Variants in CAPN5 observed in about 807,000 individuals in gnomAD.
CAPN5 encodes calpain 5.
A neutral mutation model predicts 73.0 loss-of-function variants in CAPN5; 54 were observed. That is an observed-to-expected ratio of 0.74 (90% CI 0.59 to 0.93). The LOEUF is 0.93. Among genes scored for constraint, CAPN5 ranks in the 40% least tolerant of loss-of-function variants. The pLI is 0.00. For missense variants in CAPN5, 785 were observed against 882.9 expected (o/e 0.89, Z 1.41); for synonymous variants, 335 against 356.9 (o/e 0.94, Z 0.69).
intron 3 of CAPN5, among the ~76,000 whole-genome samples, chr11:77,099,053 G>C (rs1950251566): frequency 4.4e-5 from 1 of 22,650 alleles, no homozygotes; most frequent in Non-Finnish European, 8.2e-5. Flanking sequence ...TCCCAGACGG[G>C]GTCTCGGCCG....
At position 77,119,172 on chromosome 11, in the gene CAPN5, C is replaced by CGG. The variant is rs1950498615; in HGVS notation, c.1290+20_1290+21insGG. 6.3e-7 allele frequency: 1 copy of CGG among 1,598,046 alleles called. No individual in the cohort carries two copies. The highest frequency in any genetic ancestry group is 1.3e-5 in the African/African-American group (1 of 74,570). On this transcript the variant is annotated intron_variant, in intron 9 of 12. Transcript: ENST00000648180. Reference sequence around the variant, plus strand: ...TACAAGGTGAGGCCAGCCGGGTCCCCTGCCGTGGGTGGGGAGAGGGAGGGA... The same window carrying CGG: ...TACAAGGTGAGGCCAGCCGGGTCCCCGGTGCCGTGGGTGGGGAGAGGGAGGGA...
At chr11:77,089,828 C>T (rs782646919) in intron 2 of CAPN5, among the ~76,000 whole-genome samples, 1 of 152,108 alleles carries the variant, frequency 6.6e-6, no homozygotes, top group Non-Finnish European at 1.5e-5. Flanking sequence ...GAGCCAAGAT[C>T]GCACCATTGC....
intron 1 of CAPN5, among the ~76,000 whole-genome samples, chr11:77,073,429 C>T (rs782806532): frequency 2.0e-5 from 3 of 152,226 alleles, no homozygotes; most frequent in Non-Finnish European, 4.4e-5. Context: ...CTCCCTCCTG[C>T]TCACAGCACC....
chr11:77,093,964 C>G (rs1467451459), intron 3 of CAPN5, 151 bp downstream of exon 3: 2 of 1,106,912 alleles, frequency 1.8e-6, no homozygotes, highest in Admixed American at 4.9e-5. Context: ...ACTGGCCGAG[C>G]GTCGGAATTG....
rs1555035828 is a variant in CAPN5 at position 77,087,962 on chromosome 11, C to T, written c.165+2911C>T. 2.0e-6 allele frequency: 3 copies of T among 1,535,960 alleles called. No individual in the cohort carries two copies. In the South Asian group the frequency reaches 3.6e-5, roughly 18 times the overall value. ...TCCAGTACAGTGGCCATTCGCTGGC[C>T]CCTCACAGGCCTGGCTGGGGAGATG... On this transcript the variant is annotated intron_variant, in intron 2 of 12. Coordinates refer to ENST00000648180, the MANE Select transcript of CAPN5 (RefSeq NM_004055.5).
intron 2 of CAPN5, among the ~76,000 whole-genome samples, chr11:77,088,665 T>C (rs12286331): frequency 0.32 from 48,112 of 151,604 alleles, 9,096 homozygotes; most frequent in Non-Finnish European, 0.42. Flanking sequence ...TCCAGGAGGG[T>C]GGTGACTAGG....
At chr11:77,067,300 G>A (rs1363863539) in intron 1 of CAPN5, among the ~76,000 whole-genome samples, 1 of 151,348 alleles carries the variant, frequency 6.6e-6, no homozygotes, top group East Asian at 2.0e-4. Context: ...GGGCCCCCTC[G>A]GCTCGTCCCC....
Position 77,118,147 on chromosome 11 carries a change from C to A in CAPN5, c.972-10C>A, listed in dbSNP as rs781831504. The A allele has an allele frequency of 1.2e-6, 2 of 1,606,776 alleles. No individual in the cohort carries two copies. Among genetic ancestry groups the A allele is most frequent in the African/African-American group, 1.3e-5 (1 of 74,952 alleles). ...GGGAGGTACCCTGCTCAGCCCCTCC[C>A]CACATCCAGGATGACCTTCGAGGAC... is the stretch of plus-strand genomic sequence containing the variant. On this transcript the variant is annotated splice_polypyrimidine_tract_variant and intron_variant, in intron 7 of 12. Coordinates refer to ENST00000648180, the MANE Select transcript of CAPN5 (RefSeq NM_004055.5).
intron 3 of CAPN5, among the ~76,000 whole-genome samples, chr11:77,109,359 A>G (rs1171079214): frequency 6.6e-6 from 1 of 152,160 alleles, no homozygotes; most frequent in African/African-American, 2.4e-5. Flanking sequence ...GAGACAGGAT[A>G]AATTTCCTGT....
intron 2 of CAPN5, 104 bp from the exon 3 acceptor site, chr11:77,093,578 C>T: frequency 6.9e-7 from 1 of 1,443,642 alleles, no homozygotes; most frequent in Non-Finnish European, 9.3e-7. Context: ...GATGATCACA[C>T]AGCAAGTCTG....
chr11:77,120,435 A>G, intron 9 of CAPN5: 1 of 377,710 alleles, frequency 2.6e-6, no homozygotes, highest in Non-Finnish European at 4.7e-6. Context: ...TTGTGTGATC[A>G]GAGTTTATGC....
chr11:77,101,257 A>G (rs1950281052), intron 3 of CAPN5, among the ~76,000 whole-genome samples: 1 of 152,178 alleles, frequency 6.6e-6, no homozygotes, highest in South Asian at 2.1e-4. Flanking sequence ...CTACCCTCTC[A>G]GGACTGTGTG....
At chr11:77,120,646 A>G in intron 9 of CAPN5, 67 bp from the exon 10 acceptor site, 1 of 1,029,188 alleles carries the variant, frequency 9.7e-7, no homozygotes, top group Non-Finnish European at 1.4e-6. Flanking sequence ...GGTGAGGGGG[A>G]GGCGGGGTGG....
At chr11:77,102,801 A>G in intron 3 of CAPN5, 1 of 1,513,914 alleles carries the variant, frequency 6.6e-7, no homozygotes, top group African/African-American at 1.4e-5. Flanking sequence ...GCTCCAGCCC[A>G]CTTGGGTCCT....
chr11:77,105,834 T>G (rs1158407167), intron 3 of CAPN5, among the ~76,000 whole-genome samples: 1 of 152,178 alleles, frequency 6.6e-6, no homozygotes, highest in Non-Finnish European at 1.5e-5. Flanking sequence ...CTCTGTTCCC[T>G]CATCACCACT....
chr11:77,101,636 C>T (rs1173205730), intron 3 of CAPN5, among the ~76,000 whole-genome samples: 3 of 152,172 alleles, frequency 2.0e-5, no homozygotes, highest in Non-Finnish European at 2.9e-5. Context: ...CACAATTGAC[C>T]GTGCTTGTGG....
At chr11:77,090,139 C>T (rs1565262428) in intron 2 of CAPN5, among the ~76,000 whole-genome samples, 1 of 152,200 alleles carries the variant, frequency 6.6e-6, no homozygotes, top group South Asian at 2.1e-4. Flanking sequence ...TTTACAGGTG[C>T]CCCAAGGTGG....
At chr11:77,122,548 C>A in intron 11 of CAPN5, 28 bp from the exon 12 acceptor site, 4 of 1,445,652 alleles carry the variant, frequency 2.8e-6, no homozygotes, top group Non-Finnish European at 2.9e-6. Context: ...CCCCCACCCT[C>A]ACCCCATCTC....
intron 1 of CAPN5, chr11:77,073,232 C>T: frequency 1.5e-6 from 1 of 685,872 alleles, no homozygotes; most frequent in South Asian, 1.5e-5. Context: ...TCACCCGAGG[C>T]TTGGCCTGGG....
Sources: gnomAD v4.1 joint callset for allele counts (sites outside exome capture counted in the v4.1 genomes callset) on GRCh38, gnomAD v4.1.1 for gene constraint, MANE v1.5 for transcripts, NCBI Gene and HGNC (gene_info 2026-07-23, HGNC 2026-07-21) for gene names.